Variants in WDTC1 observed in about 807,000 individuals in gnomAD.
WDTC1 encodes the protein WD and tetratricopeptide repeats protein 1.
WDTC1 carries 12 observed loss-of-function variants against 76.0 expected under a neutral mutation model. The ratio of observed to expected loss-of-function variants is 0.16; its 90% CI spans 0.10 to 0.26. The LOEUF is 0.26. WDTC1 is among the 10% of genes least tolerant of loss of function. WDTC1 has a pLI of 1.00. For synonymous variants in WDTC1, 326 were observed against 350.8 expected (o/e 0.93, Z 0.79); for missense variants, 511 against 908.8 (o/e 0.56, Z 5.63).
In WDTC1 at chr1:27,301,300, A is replaced by G; in HGVS notation, c.1307A>G (p.His436Arg). The stretch of plus-strand genomic sequence containing the variant: ...CTAAACCCATGCCACCTGAAGGCAC[A>G]CTTTCGCCTGGCCCGCTGCCTCTTT... ...ISLNPCHLKA[H>R]FRLARCLFEL... The change falls in exon 13 of 16, where the codon CAC (histidine) becomes CGC (arginine). Residue 436 changes from histidine (H) to arginine (R), a missense_variant. His to Arg is a conservative substitution (Grantham distance 29). Transcript: ENST00000319394. This position sits in a 1 kb window ranked among gnomAD's most constrained non-coding sequence, Gnocchi z 5.8. 2 of 1,614,156 alleles carry G rather than the reference A, an allele frequency of 1.2e-6. No homozygotes were observed. Among genetic ancestry groups the G allele is most frequent in the Non-Finnish European group, 1.7e-6 (2 of 1,180,020 alleles).
chr1:27,272,521 C>T (rs1468657063), intron 3 of WDTC1, among the ~76,000 whole-genome samples: 10 of 152,162 alleles, frequency 6.6e-5, no homozygotes, highest in Admixed American at 6.6e-4. Context: ...TCCATAACTA[C>T]TTTGTGTATG....
intron 1 of WDTC1, among the ~76,000 whole-genome samples, chr1:27,250,773 T>A (rs1199605371): frequency 6.6e-6 from 1 of 152,130 alleles, no homozygotes; most frequent in Non-Finnish European, 1.5e-5. Context: ...TACTTTGTTC[T>A]AAGTCATGTT....
intron 1 of WDTC1, among the ~76,000 whole-genome samples, chr1:27,242,659 G>T (rs4570442): frequency 6.6e-6 from 1 of 151,918 alleles, no homozygotes; most frequent in Non-Finnish European, 1.5e-5. Context: ...AGTAGAGACA[G>T]GGTTTCACCA....
At chr1:27,284,018 C>T (rs2013263340) in intron 5 of WDTC1, among the ~76,000 whole-genome samples, 1 of 152,046 alleles carries the variant, frequency 6.6e-6, no homozygotes, top group African/African-American at 2.4e-5. Flanking sequence ...GGGAGTTGAG[C>T]GGAGGAGAGG....
chr1:27,275,936 C>T (rs916958546), intron 3 of WDTC1, among the ~76,000 whole-genome samples: 1 of 152,188 alleles, frequency 6.6e-6, no homozygotes, highest in Admixed American at 6.6e-5. Flanking sequence ...AACCACTAAT[C>T]TATTTTCTGT....
chr1:27,304,997 C>T lies in WDTC1; in HGVS notation c.1644-4C>T, dbSNP rs187807284. 1.2e-6 allele frequency: 2 copies of T among 1,609,736 alleles called. No individual in the cohort carries two copies. Among genetic ancestry groups the T allele is most frequent in the East Asian group, 2.2e-5 (1 of 44,776 alleles). On this transcript the variant is annotated splice_polypyrimidine_tract_variant and splice_region_variant and intron_variant, in intron 14 of 15. Transcript: ENST00000319394. ...GACCTCCCTGCCCTTTGCCCCCCCGCCAGCAACGCTCAGTATATCGTCAGT... is the reference window on the plus strand; with the variant it reads ...GACCTCCCTGCCCTTTGCCCCCCCGTCAGCAACGCTCAGTATATCGTCAGT...
chr1:27,284,742 A>G (rs1299720584), intron 5 of WDTC1, among the ~76,000 whole-genome samples: 1 of 151,934 alleles, frequency 6.6e-6, no homozygotes, highest in African/African-American at 2.4e-5. Context: ...ACTTACATGC[A>G]GACTGTCAGC....
At chr1:27,251,058 T>A (rs1348024607) in intron 1 of WDTC1, among the ~76,000 whole-genome samples, 4 of 118,988 alleles carry the variant, frequency 3.4e-5, no homozygotes, top group African/African-American at 1.5e-4. Flanking sequence ...TTTTTTTTTT[T>A]TTTTTTTTTT....
chr1:27,277,055 T>C (rs1420723619), intron 3 of WDTC1, among the ~76,000 whole-genome samples: 1 of 151,734 alleles, frequency 6.6e-6, no homozygotes, highest in Non-Finnish European at 1.5e-5. Context: ...TTAATTGATA[T>C]GGGATCTGTC....
Position 27,308,103 on chromosome 1 carries a change from C to T in WDTC1, c.*1720C>T, listed in dbSNP as rs947045664. On this transcript the variant is annotated 3_prime_UTR_variant, in exon 16 of 16. Coordinates refer to ENST00000319394, the MANE Select transcript of WDTC1 (RefSeq NM_001276252.2). ...CTGCCCCCTGTCCTGCTTCCCACCC[C>T]CTGCCTGCCCAGCCTGGGCCCTGCA... 1.3e-5 allele frequency: 2 copies of T among 152,446 alleles called. No homozygotes were observed. The highest frequency in any genetic ancestry group is 2.4e-5 in the African/African-American group (1 of 41,474). The allele number at this position is 152,446 out of a possible 1,614,324, so 9.4% of individuals were successfully genotyped here.
At chr1:27,292,611 T>C (rs2013565615) in intron 7 of WDTC1, among the ~76,000 whole-genome samples, 1 of 152,006 alleles carries the variant, frequency 6.6e-6, no homozygotes, top group Non-Finnish European at 1.5e-5. Flanking sequence ...AATTTTTTTA[T>C]AGGGGCGGGG....
At chr1:27,265,012 C>T (rs1226493482) in intron 3 of WDTC1, among the ~76,000 whole-genome samples, 1 of 152,078 alleles carries the variant, frequency 6.6e-6, no homozygotes, top group Non-Finnish European at 1.5e-5. Context: ...CCATGTTGCC[C>T]AGGCTGGTCT....
chr1:27,239,517 C>CAAAAAAAAA (rs1165446864), intron 1 of WDTC1, among the ~76,000 whole-genome samples: 1 of 40,588 alleles, frequency 2.5e-5, no homozygotes, highest in Non-Finnish European at 4.6e-5. Flanking sequence ...GACCCTGTCT[C>CAAAAAAAAA]AAAAAAAAAA....
At chr1:27,253,424 T>C (rs1245034650) in intron 1 of WDTC1, among the ~76,000 whole-genome samples, 5 of 101,798 alleles carry the variant, frequency 4.9e-5, no homozygotes, top group African/African-American at 1.9e-4. Flanking sequence ...TCCTCCTCCC[T>C]CCTCCCTCCT....
chr1:27,297,256 A>G, intron 11 of WDTC1, 100 bp downstream of exon 11: 1 of 1,073,272 alleles, frequency 9.3e-7, no homozygotes, highest in Middle Eastern at 2.7e-4. Context: ...ACCCACACCC[A>G]CTCATGCATC....
rs141160463 is a variant in WDTC1, at chr1:27,274,890, G to A, written c.133-7349G>A. 1.6e-3 allele frequency among the ~76,000 whole-genome samples: 251 copies of A among 152,276 alleles called. 3 individuals are homozygous for A. The highest frequency in any genetic ancestry group is 5.7e-3 in the African/African-American group (236 of 41,544). ...TTCTTGGCACCGTATTAGACACATG[G>A]TAGAGAGAAGAAGAAAGGAATCTCA... On this transcript the variant is annotated intron_variant, in intron 3 of 15. Coordinates refer to ENST00000319394, the MANE Select transcript of WDTC1 (RefSeq NM_001276252.2). This position sits in a 1 kb window ranked among gnomAD's most constrained non-coding sequence, Gnocchi z 4.2.
At chr1:27,289,392 G>T (rs1375719749) in intron 6 of WDTC1, among the ~76,000 whole-genome samples, 1 of 151,646 alleles carries the variant, frequency 6.6e-6, no homozygotes, top group Admixed American at 6.6e-5. Flanking sequence ...CGGGGTCGCG[G>T]CCGGGCAGAG....
chr1:27,235,390 CTTTCTGTGTG>C (rs1425466802), intron 1 of WDTC1, among the ~76,000 whole-genome samples: 1 of 130,344 alleles, frequency 7.7e-6, no homozygotes, highest in African/African-American at 3.0e-5. Flanking sequence ...TTCTCTCTCT[CTTTCTGTGTG>C]TGTGTGTGTG....
Position 27,301,262 on chromosome 1 carries a change from C to T in WDTC1, c.1269C>T (p.Leu423=), listed in dbSNP as rs757107310. 16 of 1,614,156 alleles carry T rather than the reference C, an allele frequency of 9.9e-6. No individual in the cohort carries two copies. The Admixed American group carries it at 2.3e-4, about 24-fold the overall frequency. Residue 423 remains leucine, a synonymous_variant, in exon 13 of 16, where the codon CTC becomes CTT. Coordinates refer to ENST00000319394, the MANE Select transcript of WDTC1 (RefSeq NM_001276252.2). This position sits in a 1 kb window ranked among gnomAD's most constrained non-coding sequence, Gnocchi z 5.8. ...GDHYDALRDC[L]KAISLNPCHL... ...ACTATGATGCCCTGAGGGACTGCCT[C>T]AAGGCCATCTCCCTAAACCCATGCC...
Sources: gnomAD v4.1 joint callset for allele counts (sites outside exome capture counted in the v4.1 genomes callset) on GRCh38, gnomAD v4.1.1 for gene constraint, Gnocchi (gnomAD v3.1) non-coding constraint, MANE v1.5 for transcripts, NCBI Gene and HGNC (gene_info 2026-07-23, HGNC 2026-07-21) for gene names.